The following TENM2 variants were observed in gnomAD, a reference collection of about 807,000 sequenced individuals.
The protein encoded by TENM2 is teneurin-2.
Under a neutral mutation model 245.2 loss-of-function variants are expected in TENM2, and 52 were observed. That is an observed-to-expected ratio of 0.21 (90% CI 0.17 to 0.27). The LOEUF is 0.27. TENM2 is among the 10% of genes least tolerant of loss of function. The pLI is 1.00. For missense variants in TENM2, 3,046 were observed against 3,666.8 expected, an observed-to-expected ratio of 0.83 and a Z score of 4.37; for synonymous variants, 1,363 against 1,438.9, an observed-to-expected ratio of 0.95 and a Z score of 1.19.
intron 2 of TENM2, among the ~76,000 whole-genome samples, chr5:167,659,093 A>C (rs1755038342): frequency 6.6e-6 from 1 of 152,194 alleles, no homozygotes; most frequent in African/African-American, 2.4e-5. Context: ...ATGTATTTCC[A>C]ACCACAAAAT....
At chr5:168,175,260 C>G (rs1759251753) in intron 13 of TENM2, among the ~76,000 whole-genome samples, 1 of 152,194 alleles carries the variant, frequency 6.6e-6, no homozygotes, top group Non-Finnish European at 1.5e-5. Context: ...TTGCATCTCC[C>G]TGTATGATGT....
chr5:167,208,128 A>C, the TENM2 span, among the ~76,000 whole-genome samples: 73 of 152,316 alleles, frequency 4.8e-4, 1 homozygote, highest in African/African-American at 1.6e-3. Flanking sequence ...ATGTGTAATC[A>C]ACTTACGTGA....
chr5:168,009,682 C>T (rs1391143519), intron 5 of TENM2, among the ~76,000 whole-genome samples: 3 of 152,274 alleles, frequency 2.0e-5, no homozygotes, highest in Admixed American at 6.5e-5. Context: ...TAATCTAGGC[C>T]CCAAAGCCAC....
chr5:167,253,577 C>G, the TENM2 span, among the ~76,000 whole-genome samples: 1 of 152,028 alleles, frequency 6.6e-6, no homozygotes, highest in Non-Finnish European at 1.5e-5. Context: ...CTGTGAATTT[C>G]TATTTCTTAA....
intron 3 of TENM2, among the ~76,000 whole-genome samples, chr5:167,951,602 A>G (rs1435584994): frequency 6.6e-6 from 1 of 152,114 alleles, no homozygotes; most frequent in Non-Finnish European, 1.5e-5. Flanking sequence ...CTGCAAGGAT[A>G]GAGGATTTTG....
At chr5:167,636,410 G>A (rs188738787) in intron 2 of TENM2, among the ~76,000 whole-genome samples, 4 of 152,218 alleles carry the variant, frequency 2.6e-5, no homozygotes, top group East Asian at 3.9e-4. Context: ...GTTTTACTTC[G>A]GGATGTAGAC....
At chr5:168,121,378 A>G (rs1795456444) in intron 10 of TENM2, among the ~76,000 whole-genome samples, 1 of 152,258 alleles carries the variant, frequency 6.6e-6, no homozygotes, top group Non-Finnish European at 1.5e-5. Flanking sequence ...AGAGCATCTT[A>G]GGAAATCGGA....
At chr5:167,799,617 A>C (rs1765562770) in intron 2 of TENM2, among the ~76,000 whole-genome samples, 3 of 152,248 alleles carry the variant, frequency 2.0e-5, no homozygotes, top group Non-Finnish European at 4.4e-5. Flanking sequence ...GCTTTGTGTT[A>C]AGGTTCACTC....
chr5:168,189,618 C>G (rs555890788), intron 13 of TENM2, among the ~76,000 whole-genome samples: 1 of 152,338 alleles, frequency 6.6e-6, no homozygotes, highest in East Asian at 1.9e-4. Context: ...AGCCATTTCT[C>G]CACATTTCCT....
At chr5:167,956,356 T>G (rs374106251) in intron 4 of TENM2, among the ~76,000 whole-genome samples, 3 of 152,338 alleles carry the variant, frequency 2.0e-5, no homozygotes, top group African/African-American at 7.2e-5. Context: ...CTTATCACCT[T>G]AAGGAGATTT....
At chr5:167,621,544 G>A (rs74349648) in intron 2 of TENM2, among the ~76,000 whole-genome samples, 4,437 of 152,206 alleles carry the variant, frequency 0.029, 93 homozygotes, top group Non-Finnish European at 0.038. Context: ...TTACTTCACT[G>A]CCTGCACTAT....
intron 2 of TENM2, among the ~76,000 whole-genome samples, chr5:167,522,947 C>A (rs1430618568): frequency 1.3e-5 from 2 of 151,154 alleles, no homozygotes; most frequent in Non-Finnish European, 3.0e-5. Context: ...CATTTTTTTG[C>A]AGTTCTGGAG....
intron 2 of TENM2, among the ~76,000 whole-genome samples, chr5:167,430,190 T>C: frequency 6.6e-6 from 1 of 152,048 alleles, no homozygotes; most frequent in East Asian, 1.9e-4. Context: ...TACTCTACAT[T>C]AAAAAATAAT....
chr5:167,236,171 G>T, the TENM2 span, among the ~76,000 whole-genome samples: 1 of 152,102 alleles, frequency 6.6e-6, no homozygotes, highest in Non-Finnish European at 1.5e-5. Context: ...CTGACTTCCT[G>T]TCTAAATGAG....
At position 167,668,593 on chromosome 5, in the gene TENM2, T is replaced by A. The variant is rs183727949; in HGVS notation, c.503-207393T>A. 2.3e-4 allele frequency among the ~76,000 whole-genome samples: 35 copies of A among 152,306 alleles called. No individual in the cohort carries two copies. In the East Asian group the frequency reaches 5.2e-3, roughly 23 times the overall value. ...GCAGCATAAGGTTTAATTTTCCTTT[T>A]TGCTTTTAAATGATTCCTAAAACCG... On this transcript the variant is annotated intron_variant, in intron 2 of 28. Transcript: ENST00000518659.
intron 4 of TENM2, among the ~76,000 whole-genome samples, chr5:167,972,396 AC>A (rs1233473981): frequency 1.3e-5 from 2 of 152,290 alleles, no homozygotes; most frequent in Non-Finnish European, 2.9e-5. Flanking sequence ...ATGTAGACTT[AC>A]CTCATTCTTG....
intron 7 of TENM2, among the ~76,000 whole-genome samples, chr5:168,076,747 G>T (rs1791513052): frequency 6.6e-6 from 1 of 152,206 alleles, no homozygotes; most frequent in Admixed American, 6.5e-5. Flanking sequence ...TGAGAGCCAT[G>T]CTTCAGATTT....
intron 2 of TENM2, among the ~76,000 whole-genome samples, chr5:167,524,355 T>C (rs1770966565): frequency 1.3e-5 from 2 of 152,180 alleles, no homozygotes; most frequent in African/African-American, 2.4e-5. Flanking sequence ...GGTTAATGCA[T>C]GTGAAGTGTT....
intron 1 of TENM2, among the ~76,000 whole-genome samples, chr5:167,302,329 G>C (rs1413339852): frequency 6.6e-6 from 1 of 152,038 alleles, no homozygotes; most frequent in African/African-American, 2.4e-5. Flanking sequence ...AGGTTTTTAA[G>C]AACACAGGCT....
Sources: allele counts gnomAD v4.1 joint callset (sites outside exome capture counted in the v4.1 genomes callset), GRCh38; gene constraint gnomAD v4.1.1; transcripts MANE v1.5; gene names NCBI Gene and HGNC (gene_info 2026-07-23, HGNC 2026-07-21).